Variants in VCL observed in about 807,000 individuals in gnomAD.
VCL encodes the protein epididymis luminal protein 114.
VCL carries 47 observed loss-of-function variants against 125.7 expected under a neutral mutation model. The ratio of observed to expected loss-of-function variants is 0.37; its 90% confidence interval spans 0.30 to 0.48. VCL has a LOEUF of 0.48. Among genes scored for constraint, VCL ranks in the 20% least tolerant of loss-of-function variants. The probability of loss-of-function intolerance (pLI) is 0.99; values close to 1 mark genes in which losing one functional copy is unlikely to be tolerated. For synonymous variants in VCL, 458 were observed against 514.6 expected (o/e 0.89, Z 1.49); for missense variants, 1,069 against 1,455.5 (o/e 0.73, Z 4.32).
intron 1 of VCL, among the ~76,000 whole-genome samples, chr10:74,040,888 C>T (rs977172058): frequency 4.6e-5 from 7 of 152,192 alleles, no homozygotes; most frequent in African/African-American, 1.7e-4. Context: ...CAGGGTCTTG[C>T]CCTGTTGTCC....
chr10:74,068,449 C>T (rs533349300), intron 2 of VCL, among the ~76,000 whole-genome samples: 5 of 152,176 alleles, frequency 3.3e-5, no homozygotes, highest in Admixed American at 2.0e-4. Context: ...CTCAGCCTCC[C>T]CAGTAGCTGG....
intron 13 of VCL, among the ~76,000 whole-genome samples, chr10:74,098,115 C>A (rs1191321763): frequency 6.6e-6 from 1 of 152,188 alleles, no homozygotes; most frequent in Non-Finnish European, 1.5e-5. Context: ...ACTCTTCCCC[C>A]TCATGCTACA....
At position 74,098,383 on chromosome 10, in the gene VCL, C is replaced by G. The variant is rs1840003650; in HGVS notation, c.1872+1051C>G. ...ATTTATCAACATTTAATGTATTTAC[C>G]CATTTTTCATTTTTGGTTTGTCTGT... On this transcript the variant is annotated intron_variant, in intron 13 of 21. Coordinates refer to ENST00000211998, the MANE Select transcript of VCL (RefSeq NM_014000.3). 1.3e-5 allele frequency among the ~76,000 whole-genome samples: 2 copies of G among 152,124 alleles called. 1 individual carries two copies. The highest frequency in any genetic ancestry group is 4.1e-4 in the South Asian group (2 of 4,820).
rs915381122 is a variant in VCL at position 74,100,992 on chromosome 10, G to T, written c.1917G>T (p.Lys639Asn). 11 of 1,614,044 alleles carry T rather than the reference G, an allele frequency of 6.8e-6. No individual in the cohort carries two copies. Among genetic ancestry groups the T allele is most frequent in the African/African-American group, 4.0e-5 (3 of 75,014 alleles). Residue 639 changes from lysine to asparagine, a missense_variant, in exon 14 of 22, where the codon AAG (lysine) becomes AAT (asparagine). Physicochemically the swap from Lys to Asn is moderately conservative, Grantham distance 94. Transcript: ENST00000211998. ...RAANFENHSG[K>N]LGATAEKAAA... Reference sequence around the variant, plus strand: ...CTAACTTTGAAAACCATTCAGGAAAGCTTGGTGCTACGGCCGAGAAGGCGG... The same window carrying T: ...CTAACTTTGAAAACCATTCAGGAAATCTTGGTGCTACGGCCGAGAAGGCGG...
intron 18 of VCL, 139 bp from the exon 19 acceptor site, chr10:74,111,770 C>A: frequency 1.8e-6 from 2 of 1,140,234 alleles, no homozygotes; most frequent in Non-Finnish European, 2.5e-6. Context: ...AAGCTTGGTA[C>A]ACAAGGCTCC....
chr10:74,035,703 C>G (rs1840961326), intron 1 of VCL, among the ~76,000 whole-genome samples: 1 of 152,192 alleles, frequency 6.6e-6, no homozygotes, highest in Non-Finnish European at 1.5e-5. Context: ...AATAACAAGT[C>G]TGAGTTTCTC....
intron 2 of VCL, among the ~76,000 whole-genome samples, chr10:74,052,001 A>G (rs1277584024): frequency 2.6e-5 from 4 of 152,200 alleles, no homozygotes; most frequent in African/African-American, 7.2e-5. Flanking sequence ...ATTCATATTT[A>G]TACCCACTTT....
At chr10:74,052,017 A>G (rs1841308256) in intron 2 of VCL, among the ~76,000 whole-genome samples, 1 of 152,106 alleles carries the variant, frequency 6.6e-6, no homozygotes, top group African/African-American at 2.4e-5. Context: ...ACTTTTAATT[A>G]TATTCTAATT....
At chr10:74,114,671 G>C in intron 20 of VCL, 124 bp from the exon 21 acceptor site, 6 of 1,073,864 alleles carry the variant, frequency 5.6e-6, no homozygotes, top group Non-Finnish European at 8.4e-6. Flanking sequence ...GAATTCTGCT[G>C]CTTATTTATC....
intron 1 of VCL, among the ~76,000 whole-genome samples, chr10:74,032,179 G>A (rs1325573186): frequency 2.1e-5 from 3 of 145,338 alleles, no homozygotes; most frequent in Non-Finnish European, 4.5e-5. Context: ...GGTAGAGGCT[G>A]TGGTGAGCTG....
At chr10:74,017,079 G>C (rs552386949) in intron 1 of VCL, among the ~76,000 whole-genome samples, 1 of 113,912 alleles carries the variant, frequency 8.8e-6, no homozygotes, top group African/African-American at 4.1e-5. Flanking sequence ...ACGGAGTCTC[G>C]CTCTGTCGCC....
intron 6 of VCL, chr10:74,075,434 T>C (rs1839568054): frequency 6.4e-6 from 1 of 155,274 alleles, no homozygotes. Flanking sequence ...GGTCAGTTAG[T>C]TTGAGGGATC....
intron 18 of VCL, 36 bp downstream of exon 18, chr10:74,109,192 T>C (rs758170360): frequency 5.6e-6 from 9 of 1,612,570 alleles, no homozygotes; most frequent in Middle Eastern, 3.4e-4. Flanking sequence ...AGAAAGGATG[T>C]CTTCTCGGAA....
chr10:74,026,725 A>G (rs776212738), intron 1 of VCL, among the ~76,000 whole-genome samples: 1 of 152,182 alleles, frequency 6.6e-6, no homozygotes, highest in Non-Finnish European at 1.5e-5. Context: ...ACTGATAAGG[A>G]GACTGAGGCT....
At chr10:74,068,283 G>C (rs1339854238) in intron 2 of VCL, among the ~76,000 whole-genome samples, 1 of 152,068 alleles carries the variant, frequency 6.6e-6, no homozygotes. Flanking sequence ...TATAAAAGTA[G>C]GAGGAGGCTC....
chr10:74,084,322 C>T (rs906136295), intron 8 of VCL, among the ~76,000 whole-genome samples: 7 of 151,624 alleles, frequency 4.6e-5, no homozygotes, highest in African/African-American at 1.7e-4. Context: ...GACGGAGTCT[C>T]GCTCTGTCAC....
chr10:74,018,492 C>G (rs1840602444), intron 1 of VCL, among the ~76,000 whole-genome samples: 1 of 151,996 alleles, frequency 6.6e-6, no homozygotes, highest in Non-Finnish European at 1.5e-5. Context: ...GAAGTTCATT[C>G]CACTTTAGAG....
intron 2 of VCL, among the ~76,000 whole-genome samples, chr10:74,061,497 G>A (rs1377483005): frequency 6.6e-6 from 1 of 151,974 alleles, no homozygotes; most frequent in African/African-American, 2.4e-5. Context: ...AACTTATACA[G>A]TAACTGGATT....
chr10:74,081,993 T>C (rs1166278603), intron 6 of VCL, among the ~76,000 whole-genome samples: 1 of 152,196 alleles, frequency 6.6e-6, no homozygotes, highest in Non-Finnish European at 1.5e-5. Context: ...TATCATCCAG[T>C]GTGTGCATTT....
Sources: gnomAD v4.1 joint callset for allele counts (sites outside exome capture counted in the v4.1 genomes callset) on GRCh38, gnomAD v4.1.1 for gene constraint, MANE v1.5 for transcripts, NCBI Gene and HGNC (gene_info 2026-07-23, HGNC 2026-07-21) for gene names.